The following GRID2 variants were observed in gnomAD, a reference collection of about 807,000 sequenced individuals.
The protein encoded by GRID2 is glutamate ionotropic receptor delta type subunit 2, also known as glutamate receptor ionotropic, delta-2.
GRID2 carries 33 observed loss-of-function variants against 114.8 expected under a neutral mutation model. The observed-to-expected ratio is 0.29, with a 90% CI of 0.22 to 0.38. The LOEUF (loss-of-function observed/expected upper bound fraction) is 0.38. Among genes scored for constraint, GRID2 ranks in the 10% least tolerant of loss-of-function variants. The pLI, the probability that GRID2 is intolerant of heterozygous loss-of-function variation, is 1.00. For missense variants in GRID2, 1,184 were observed against 1,257.7 expected, an observed-to-expected ratio of 0.94 and a Z score of 0.89; for synonymous variants, 505 against 449.9, an observed-to-expected ratio of 1.12 and a Z score of -1.55.
At chr4:93,468,388 A>G (rs988820067) in intron 11 of GRID2, among the ~76,000 whole-genome samples, 1 of 152,044 alleles carries the variant, frequency 6.6e-6, no homozygotes, top group African/African-American at 2.4e-5. Flanking sequence ...ATAAATAAAT[A>G]AACTACATAT....
intron 13 of GRID2, among the ~76,000 whole-genome samples, chr4:93,608,286 ATTTTTTTTTCTTTTT>A (rs1349653005): frequency 1.2e-5 from 1 of 84,038 alleles, no homozygotes; most frequent in Non-Finnish European, 2.3e-5. Context: ...ACTGAAAATT[ATTTTTTTTTCTTTTT>A]TTTTTTTTAA....
chr4:92,691,596 G>A (rs1734185732), intron 2 of GRID2, among the ~76,000 whole-genome samples: 1 of 152,172 alleles, frequency 6.6e-6, no homozygotes, highest in Admixed American at 6.5e-5. Flanking sequence ...ATTTCAAAGA[G>A]GATACACTGA....
intron 1 of GRID2, among the ~76,000 whole-genome samples, chr4:92,532,386 A>G (rs1725397948): frequency 6.6e-6 from 1 of 152,230 alleles, no homozygotes; most frequent in African/African-American, 2.4e-5. Flanking sequence ...TTTGGTTATC[A>G]TCAATACCTA....
chr4:93,080,913 A>G (rs62308203), intron 2 of GRID2, among the ~76,000 whole-genome samples: 3,012 of 152,240 alleles, frequency 0.02, 37 homozygotes, highest in African/African-American at 0.028. Context: ...CCTATGGAGG[A>G]AGGGCAAAGA....
intron 4 of GRID2, among the ~76,000 whole-genome samples, chr4:93,132,698 G>C (rs1734911369): frequency 6.6e-6 from 1 of 152,166 alleles, no homozygotes. Context: ...ATTGGCAAAG[G>C]AATTTCATAC....
At chr4:92,964,053 T>C (rs969544227) in intron 2 of GRID2, among the ~76,000 whole-genome samples, 6 of 152,006 alleles carry the variant, frequency 3.9e-5, no homozygotes, top group Admixed American at 1.3e-4. Context: ...CAGGAAACCA[T>C]GCTGTAAACA....
intron 9 of GRID2, among the ~76,000 whole-genome samples, chr4:93,408,548 C>A (rs1177713267): frequency 6.6e-6 from 1 of 151,888 alleles, no homozygotes; most frequent in Non-Finnish European, 1.5e-5. Context: ...ATAGGAATCT[C>A]CGTTTAATTT....
intron 2 of GRID2, among the ~76,000 whole-genome samples, chr4:92,633,080 TC>T (rs1730889616): frequency 6.6e-6 from 1 of 152,072 alleles, no homozygotes; most frequent in African/African-American, 2.4e-5. Context: ...AGCACCCAAG[TC>T]CCACAGACGT....
intron 2 of GRID2, among the ~76,000 whole-genome samples, chr4:92,719,827 T>G (rs1046662453): frequency 5.3e-5 from 8 of 152,154 alleles, no homozygotes; most frequent in Non-Finnish European, 1.5e-5. Flanking sequence ...CTTTCAGTCT[T>G]TTGATCAGAG....
intron 8 of GRID2, among the ~76,000 whole-genome samples, chr4:93,285,480 T>A (rs10516413): frequency 0.65 from 98,831 of 151,852 alleles, 32,553 homozygotes; most frequent in Middle Eastern, 0.79. Context: ...TTAAATCCCA[T>A]GTCTTAAGAT....
chr4:93,061,196 GTTT>G lies in GRID2; in HGVS notation c.245-23785_245-23783del, dbSNP rs752045329. 7.1e-5 allele frequency among the ~76,000 whole-genome samples: 8 copies of G among 112,732 alleles called. No homozygotes were observed. The South Asian group carries it at 1.2e-3, about 16-fold the overall frequency. 74.0% of individuals were successfully genotyped at this position (112,732 alleles called of 152,430 possible). ...TTTATATATTCATCAGGTTTTTCTT[GTTT>G]TTTTTTTTTTTTTAATGCCTAACAA... On this transcript the variant is annotated intron_variant, in intron 2 of 15. Coordinates refer to ENST00000282020, the MANE Select transcript of GRID2 (RefSeq NM_001510.4).
At chr4:93,076,648 C>T (rs929260731) in intron 2 of GRID2, among the ~76,000 whole-genome samples, 1 of 135,516 alleles carries the variant, frequency 7.4e-6, no homozygotes, top group Non-Finnish European at 1.6e-5. Context: ...GACAGAGTCT[C>T]TCTCTGTCAC....
At chr4:93,557,734 A>C (rs957299953) in intron 13 of GRID2, among the ~76,000 whole-genome samples, 1 of 152,228 alleles carries the variant, frequency 6.6e-6, no homozygotes, top group Admixed American at 6.5e-5. Context: ...TGGACCAAGC[A>C]GACCTAATAG....
At chr4:93,273,636 T>C (rs1310412541) in intron 8 of GRID2, among the ~76,000 whole-genome samples, 1 of 151,968 alleles carries the variant, frequency 6.6e-6, no homozygotes, top group Non-Finnish European at 1.5e-5. Context: ...AGTGATAACA[T>C]GGGACCTAAA....
At chr4:93,502,932 A>G (rs779619566) in intron 12 of GRID2, among the ~76,000 whole-genome samples, 7 of 152,064 alleles carry the variant, frequency 4.6e-5, no homozygotes, top group Non-Finnish European at 1.0e-4. Flanking sequence ...GATGCTACAG[A>G]GTTCTCAAGA....
intron 1 of GRID2, among the ~76,000 whole-genome samples, chr4:93,800,097 T>C (rs1300748412): frequency 6.6e-6 from 1 of 152,234 alleles, no homozygotes; most frequent in African/African-American, 2.4e-5. Flanking sequence ...ACCTACCAAA[T>C]TCCTATGTAA....
intron 14 of GRID2, among the ~76,000 whole-genome samples, chr4:93,652,930 C>T (rs1400854655): frequency 6.6e-6 from 1 of 151,908 alleles, no homozygotes; most frequent in Non-Finnish European, 1.5e-5. Flanking sequence ...TTCTTAGCTT[C>T]ATTGAGAAGG....
At chr4:93,741,174 C>CATATATAT (rs376106965) in intron 14 of GRID2, among the ~76,000 whole-genome samples, 1,166 of 40,806 alleles carry the variant, frequency 0.029, 70 homozygotes, top group Admixed American at 0.047. Context: ...TATATATATA[C>CATATATAT]ATATATATAT....
chr4:92,870,970 G>A (rs148583837), intron 2 of GRID2, among the ~76,000 whole-genome samples: 5 of 152,222 alleles, frequency 3.3e-5, no homozygotes, highest in Non-Finnish European at 7.4e-5. Flanking sequence ...CTATTCAAAA[G>A]TGCTAAATAA....
Sources: gnomAD v4.1 joint callset for allele counts (sites outside exome capture counted in the v4.1 genomes callset) on GRCh38, gnomAD v4.1.1 for gene constraint, MANE v1.5 for transcripts, NCBI Gene and HGNC (gene_info 2026-07-23, HGNC 2026-07-21) for gene names.